LIMS1: variants seen among roughly 807,000 people sequenced by gnomAD.
The protein encoded by LIMS1 is LIM and senescent cell antigen-like-containing domain protein 1.
Under a neutral mutation model 44.1 loss-of-function variants are expected in LIMS1, and 18 were observed. The observed-to-expected ratio is 0.41, with a 90% CI of 0.28 to 0.61. LIMS1 has a LOEUF of 0.61. Among genes scored for constraint, LIMS1 ranks in the 20% least tolerant of loss-of-function variants. The pLI is 0.32. For missense variants in LIMS1, 201 were observed against 422.0 expected (o/e 0.48, Z 4.59); for synonymous variants, 93 against 149.1 (o/e 0.62, Z 2.74).
chr2:108,550,676 C>T (rs928257601), intron 1 of LIMS1, among the ~76,000 whole-genome samples: 1 of 150,928 alleles, frequency 6.6e-6, no homozygotes, highest in Non-Finnish European at 1.5e-5. Context: ...ATTAGTCGGG[C>T]GTCGTGGCGG....
intron 1 of LIMS1, among the ~76,000 whole-genome samples, chr2:108,581,143 A>C (rs1318148065): frequency 6.6e-6 from 1 of 152,212 alleles, no homozygotes; most frequent in Non-Finnish European, 1.5e-5. Context: ...AATGAAGACC[A>C]GGCCTGTGAA....
intron 1 of LIMS1, among the ~76,000 whole-genome samples, chr2:108,557,103 G>A (rs1684949160): frequency 6.6e-6 from 1 of 151,962 alleles, no homozygotes; most frequent in South Asian, 2.1e-4. Flanking sequence ...TGACATATAG[G>A]GTCTCACTGT....
At chr2:108,659,628 G>T (rs141181415) in exon 2 of LIMS1, 7 of 1,611,936 alleles carry the variant, frequency 4.3e-6, no homozygotes, top group Non-Finnish European at 5.9e-6. Context: ...GCCCTGGCCA[G>T]CGCCACTTGC....
chr2:108,635,848 T>G (rs1350895833), intron 1 of LIMS1, among the ~76,000 whole-genome samples: 2 of 152,226 alleles, frequency 1.3e-5, no homozygotes, highest in African/African-American at 4.8e-5. Context: ...GTTCCTAGTT[T>G]TGAATGTAAA....
intron 1 of LIMS1, chr2:108,655,051 GCTCAGAGCT>G: frequency 6.2e-7 from 1 of 1,611,830 alleles, no homozygotes; most frequent in Non-Finnish European, 8.5e-7. Context: ...TCGTCCCTGT[GCTCAGAGCT>G]CTCAAGCACC....
intron 1 of LIMS1, among the ~76,000 whole-genome samples, chr2:108,602,949 G>A (rs779765964): frequency 6.6e-6 from 1 of 151,832 alleles, no homozygotes; most frequent in Non-Finnish European, 1.5e-5. Context: ...GTATTTTTTT[G>A]CAGGGACTTA....
At chr2:108,682,390 C>T (rs1226977514) in intron 9 of LIMS1, among the ~76,000 whole-genome samples, 2 of 152,112 alleles carry the variant, frequency 1.3e-5, no homozygotes, top group Non-Finnish European at 1.5e-5. Flanking sequence ...ATCCCAGATA[C>T]TCGCGAGGCT....
intron 1 of LIMS1, among the ~76,000 whole-genome samples, chr2:108,603,087 G>C (rs1687095776): frequency 6.6e-6 from 1 of 152,098 alleles, no homozygotes; most frequent in Non-Finnish European, 1.5e-5. Flanking sequence ...CGCCTGACCA[G>C]GTTTTCTTTT....
chr2:108,581,548 C>T (rs917369118), intron 1 of LIMS1, among the ~76,000 whole-genome samples: 14 of 152,106 alleles, frequency 9.2e-5, no homozygotes, highest in Non-Finnish European at 1.9e-4. Flanking sequence ...TTTATAGTAA[C>T]TTTCCCAAAC....
chr2:108,622,963 A>C (rs1573475020), intron 1 of LIMS1, among the ~76,000 whole-genome samples: 1 of 145,966 alleles, frequency 6.9e-6, no homozygotes, highest in South Asian at 2.2e-4. Context: ...ATGCTCTTTC[A>C]AACAACTAGA....
intron 1 of LIMS1, among the ~76,000 whole-genome samples, chr2:108,616,041 A>G (rs1687908956): frequency 6.6e-6 from 1 of 152,126 alleles, no homozygotes; most frequent in South Asian, 2.1e-4. Context: ...ATTTCATTCT[A>G]AATTATTTGG....
chr2:108,560,744 T>C (rs1685084684), intron 1 of LIMS1, among the ~76,000 whole-genome samples: 1 of 152,170 alleles, frequency 6.6e-6, no homozygotes, highest in African/African-American at 2.4e-5. Context: ...GTCCTTACTA[T>C]AAGCCTCACC....
intron 1 of LIMS1, among the ~76,000 whole-genome samples, chr2:108,609,309 C>G (rs1482417249): frequency 6.6e-6 from 1 of 152,158 alleles, no homozygotes; most frequent in South Asian, 2.1e-4. Context: ...TCCCCCATGG[C>G]AGGTGTTGCT....
chr2:108,604,822 A>G (rs1164246896), intron 1 of LIMS1, among the ~76,000 whole-genome samples: 1 of 152,230 alleles, frequency 6.6e-6, no homozygotes, highest in East Asian at 1.9e-4. Flanking sequence ...TGTACAGAGC[A>G]CTTGGTAGTC....
chr2:108,586,397 C>T (rs77658718), intron 1 of LIMS1, among the ~76,000 whole-genome samples: 4,448 of 152,244 alleles, frequency 0.029, 146 homozygotes, highest in South Asian at 0.14. Context: ...TGACATCAAA[C>T]AGACCTTGTT....
chr2:108,673,514 G>A, intron 5 of LIMS1: 1 of 185,830 alleles, frequency 5.4e-6, no homozygotes, highest in South Asian at 9.3e-5. Flanking sequence ...AGCCTCCAGA[G>A]TAGCTGAGAC....
At position 108,592,285 on chromosome 2, in the gene LIMS1, T is replaced by C. The variant is rs539846510; in HGVS notation, c.32+57691T>C. ...ACAGTTACAGGATGAAATGTTGATG[T>C]CCTGTAGAGTGCTTGATTAAAATAA... On this transcript the variant is annotated intron_variant, in intron 1 of 9. Transcript: ENST00000544547. Among the ~76,000 whole-genome samples the C allele has an allele frequency of 1.7e-3, 254 of 152,274 alleles. 2 individuals are homozygous for C. The highest frequency in any genetic ancestry group is 5.8e-3 in the African/African-American group (242 of 41,550).
intron 1 of LIMS1, among the ~76,000 whole-genome samples, chr2:108,570,564 G>A (rs1361388241): frequency 2.6e-5 from 4 of 152,114 alleles, no homozygotes; most frequent in Non-Finnish European, 5.9e-5. Context: ...CCAAACTAAT[G>A]AGTCTGAACT....
At chr2:108,586,139 C>G (rs1686091600) in intron 1 of LIMS1, among the ~76,000 whole-genome samples, 1 of 152,088 alleles carries the variant, frequency 6.6e-6, no homozygotes, top group South Asian at 2.1e-4. Flanking sequence ...TTGCAGTGAG[C>G]TGAGATTGCG....
Sources: gnomAD v4.1 joint callset for allele counts (sites outside exome capture counted in the v4.1 genomes callset) on GRCh38, gnomAD v4.1.1 for gene constraint, MANE v1.5 for transcripts, NCBI Gene and HGNC (gene_info 2026-07-23, HGNC 2026-07-21) for gene names.